The following TTC6 variants were observed in gnomAD, a reference collection of about 807,000 sequenced individuals.
The protein encoded by TTC6 is tetratricopeptide repeat domain 6.
Under a neutral mutation model 210.4 loss-of-function variants are expected in TTC6, and 172 were observed. That is an observed-to-expected ratio of 0.82 (90% CI 0.72 to 0.93). TTC6 has a LOEUF of 0.93. Ranked by LOEUF, TTC6 falls within the 40% of genes least tolerant of loss-of-function variation. The probability of loss-of-function intolerance (pLI) is 0.00; values close to 1 mark genes in which losing one functional copy is unlikely to be tolerated. For missense variants in TTC6, 2,414 were observed against 2,318.1 expected, an observed-to-expected ratio of 1.04 and a Z score of -0.85; for synonymous variants, 804 against 819.6, an observed-to-expected ratio of 0.98 and a Z score of 0.32.
intron 1 of TTC6, among the ~76,000 whole-genome samples, chr14:37,664,088 T>C (rs548603931): frequency 6.6e-6 from 1 of 150,792 alleles, no homozygotes; most frequent in East Asian, 1.9e-4. Flanking sequence ...CAAAGTAATT[T>C]ATAGATTTAA....
chr14:37,786,162 G>A (rs2096067063), intron 14 of TTC6, among the ~76,000 whole-genome samples: 1 of 152,208 alleles, frequency 6.6e-6, no homozygotes, highest in African/African-American at 2.4e-5. Context: ...CTGTCAGACA[G>A]GGACGTTTAA....
At chr14:37,795,419 C>A in intron 18 of TTC6, 67 bp downstream of exon 20, 1 of 1,083,276 alleles carries the variant, frequency 9.2e-7, no homozygotes, top group Non-Finnish European at 1.3e-6. Flanking sequence ...TGGGGATCTT[C>A]AGTTCCCTCT....
At chr14:37,606,960 T>C (rs79300618) in intron 2 of TTC6, among the ~76,000 whole-genome samples, 2,842 of 152,330 alleles carry the variant, frequency 0.019, 91 homozygotes, top group African/African-American at 0.064. Context: ...GATTTGCATT[T>C]GACATAATTG....
At chr14:37,789,190 A>G (rs2096073969) in intron 15 of TTC6, among the ~76,000 whole-genome samples, 1 of 152,190 alleles carries the variant, frequency 6.6e-6, no homozygotes, top group Non-Finnish European at 1.5e-5. Flanking sequence ...TGCTACTTGC[A>G]AAGTGCTGTT....
At chr14:37,785,290 G>T (rs374647976) in intron 14 of TTC6, among the ~76,000 whole-genome samples, 5 of 152,102 alleles carry the variant, frequency 3.3e-5, no homozygotes, top group African/African-American at 1.2e-4. Flanking sequence ...TTTTCACATA[G>T]TCCCATATTT....
At chr14:37,812,340 G>C (rs756849985) in exon 25 of TTC6, 5 of 1,612,976 alleles carry the variant, frequency 3.1e-6, no homozygotes, top group Non-Finnish European at 4.2e-6. Context: ...GAATTGTGCT[G>C]CTTCTTGATG....
At chr14:37,832,989 C>T (rs146333683) in intron 29 of TTC6, among the ~76,000 whole-genome samples, 2,257 of 144,040 alleles carry the variant, frequency 0.016, 26 homozygotes, top group Non-Finnish European at 0.024. Flanking sequence ...ACCTGGGAGG[C>T]GGAGGTTGCA....
chr14:37,805,436 C>CACACACACAG (rs1426762195), intron 21 of TTC6, among the ~76,000 whole-genome samples: 3 of 151,714 alleles, frequency 2.0e-5, no homozygotes, highest in Admixed American at 6.6e-5. Context: ...CACACACACA[C>CACACACACAG]ACACACACAC....
intron 4 of TTC6, among the ~76,000 whole-genome samples, chr14:37,698,414 C>A (rs1283567898): frequency 6.6e-6 from 1 of 152,154 alleles, no homozygotes; most frequent in African/African-American, 2.4e-5. Flanking sequence ...GTAATGTAAT[C>A]TCAAACACAT....
Position 37,772,437 on chromosome 14 carries a change from C to A in TTC6, c.3267-15031C>A, listed in dbSNP as rs561447590. 4.3e-5 allele frequency: 7 copies of A among 164,202 alleles called. No homozygotes were observed. In the South Asian group the frequency reaches 7.3e-4, roughly 17 times the overall value. 10.2% of individuals were successfully genotyped at this position (164,202 alleles called of 1,614,324 possible). ...GCCTTGCAGTTTGATCTCAGACTGCCGTGCTAGCAATCAGGGAGACTCCGT... is the reference window on the plus strand; with the variant it reads ...GCCTTGCAGTTTGATCTCAGACTGCAGTGCTAGCAATCAGGGAGACTCCGT... On this transcript the variant is annotated intron_variant, in intron 14 of 30. Coordinates refer to ENST00000553443, the Ensembl canonical transcript of TTC6.
At chr14:37,718,556 A>T (rs1287572206) in intron 6 of TTC6, among the ~76,000 whole-genome samples, 1 of 73,788 alleles carries the variant, frequency 1.4e-5, no homozygotes, top group Non-Finnish European at 3.1e-5. Flanking sequence ...AAGAAGTGGG[A>T]AAAAAAAGCT....
At chr14:37,820,169 C>T (rs2096152101) in intron 26 of TTC6, among the ~76,000 whole-genome samples, 1 of 152,212 alleles carries the variant, frequency 6.6e-6, no homozygotes, top group Non-Finnish European at 1.5e-5. Context: ...ACTGTTTCTA[C>T]AGTGGCATCT....
At chr14:37,705,399 A>C (rs1417343025) in intron 5 of TTC6, among the ~76,000 whole-genome samples, 2 of 152,156 alleles carry the variant, frequency 1.3e-5, no homozygotes, top group Admixed American at 1.3e-4. Flanking sequence ...AAAATGCGAA[A>C]ATGAAAAACA....
At chr14:37,776,876 G>T (rs898266461) in intron 14 of TTC6, among the ~76,000 whole-genome samples, 1 of 151,940 alleles carries the variant, frequency 6.6e-6, no homozygotes, top group African/African-American at 2.4e-5. Context: ...TAGCCTGGGC[G>T]CAAGAGTGAA....
Position 37,598,632 on chromosome 14 carries a change from G to C in TTC6, c.-235+2624G>C, listed in dbSNP as rs34401945. 4.6e-4 allele frequency among the ~76,000 whole-genome samples: 70 copies of C among 152,302 alleles called. No homozygotes were observed. The highest frequency in any genetic ancestry group is 1.6e-3 in the African/African-American group (68 of 41,580). On this transcript the variant is annotated intron_variant, in intron 1 of 2. Transcript: ENST00000556845. This position sits in a 1 kb window ranked among gnomAD's most constrained non-coding sequence, Gnocchi z 4.9. ...GCAGGTAGAAGCAGAGGGAGACGACGGCGAAAGGTGGAAGGAGAGGCCGCG... is the reference window on the plus strand; with the variant it reads ...GCAGGTAGAAGCAGAGGGAGACGACCGCGAAAGGTGGAAGGAGAGGCCGCG...
At chr14:37,787,488 A>G in exon 15 of TTC6, 1 of 1,528,226 alleles carries the variant, frequency 6.5e-7, no homozygotes, top group East Asian at 2.5e-5. Flanking sequence ...GGGATTGCAT[A>G]TGTTAAATGG....
At chr14:37,683,852 A>C (rs2095788982) in intron 3 of TTC6, among the ~76,000 whole-genome samples, 1 of 152,100 alleles carries the variant, frequency 6.6e-6, no homozygotes, top group South Asian at 2.1e-4. Context: ...AAATTTATTT[A>C]AAAATAGATA....
chr14:37,714,903 T>C, intron 6 of TTC6, 107 bp downstream of exon 8: 2 of 1,071,338 alleles, frequency 1.9e-6, no homozygotes. Flanking sequence ...GCTGGCCAGG[T>C]GTGGTAGCTC....
chr14:37,620,812 C>G (rs2095649947), upstream of TTC6, among the ~76,000 whole-genome samples: 1 of 152,128 alleles, frequency 6.6e-6, no homozygotes. Flanking sequence ...TCATTGCTCC[C>G]ATTCATTCCT....
Sources: gnomAD v4.1 joint callset for allele counts (sites outside exome capture counted in the v4.1 genomes callset) on GRCh38, gnomAD v4.1.1 for gene constraint, Gnocchi (gnomAD v3.1) non-coding constraint, MANE v1.5 for transcripts, NCBI Gene and HGNC (gene_info 2026-07-23, HGNC 2026-07-21) for gene names.